SLCO1B1: variants seen among roughly 807,000 people sequenced by gnomAD.
The protein encoded by SLCO1B1 is OATP-2.
In SLCO1B1, 81 loss-of-function variants were observed where a neutral mutation model predicts 70.1. The observed-to-expected ratio is 1.16, with a 90% CI of 0.97 to 1.39. The LOEUF (loss-of-function observed/expected upper bound fraction) is 1.39, where lower values mean the gene tolerates loss of function less well. Among genes scored for constraint, SLCO1B1 ranks in the 40% most tolerant of loss-of-function variants. The probability of loss-of-function intolerance (pLI) is 0.00; values close to 1 mark genes in which losing one functional copy is unlikely to be tolerated. For missense variants in SLCO1B1, 895 were observed against 799.6 expected (o/e 1.12, Z -1.44); for synonymous variants, 283 against 271.5 (o/e 1.04, Z -0.42).
chr12:21,222,397 AATAT>A (rs751514211), intron 13 of SLCO1B1, 33 bp downstream of exon 13: 3,043 of 97,170 alleles, frequency 0.031, 91 homozygotes, highest in South Asian at 0.068. Flanking sequence ...AAAAAAAAAA[AATAT>A]ATATATATAT....
intron 7 of SLCO1B1, 47 bp downstream of exon 7, chr12:21,179,067 C>T: frequency 8.5e-7 from 1 of 1,180,476 alleles, no homozygotes; most frequent in Non-Finnish European, 1.3e-6. Flanking sequence ...TTTCTAAGCA[C>T]ACATGCGAAA....
At chr12:21,171,050 C>T (rs1371345410) in intron 2 of SLCO1B1, among the ~76,000 whole-genome samples, 1 of 152,210 alleles carries the variant, frequency 6.6e-6, no homozygotes, top group Non-Finnish European at 1.5e-5. Flanking sequence ...GGCTAATATT[C>T]TGCTGTGGCA....
chr12:21,172,540 C>G, intron 2 of SLCO1B1, 110 bp from the exon 3 acceptor site: 3 of 1,247,884 alleles, frequency 2.4e-6, no homozygotes, highest in Non-Finnish European at 3.5e-6. Context: ...TTTTAAGATA[C>G]AAATAATGTT....
intron 1 of SLCO1B1, among the ~76,000 whole-genome samples, chr12:21,132,776 G>A (rs1940159482): frequency 6.6e-6 from 1 of 152,086 alleles, no homozygotes; most frequent in Non-Finnish European, 1.5e-5. Flanking sequence ...CTCCCATTCT[G>A]TAGGTTGCCT....
At chr12:21,235,964 A>C (rs1001209495) in intron 14 of SLCO1B1, among the ~76,000 whole-genome samples, 8 of 151,850 alleles carry the variant, frequency 5.3e-5, no homozygotes, top group African/African-American at 1.9e-4. Flanking sequence ...CCTTTTCTCT[A>C]GCTGCCGTTA....
intron 2 of SLCO1B1, among the ~76,000 whole-genome samples, chr12:21,167,164 A>G (rs1940696043): frequency 6.6e-6 from 1 of 152,212 alleles, no homozygotes; most frequent in African/African-American, 2.4e-5. Flanking sequence ...CATGGTAGAG[A>G]TCATCTTTAT....
At chr12:21,174,309 A>G (rs983543805) in intron 3 of SLCO1B1, among the ~76,000 whole-genome samples, 1 of 152,210 alleles carries the variant, frequency 6.6e-6, no homozygotes, top group Admixed American at 6.5e-5. Context: ...ATTTTTCTTC[A>G]TTCCAGTATA....
intron 14 of SLCO1B1, among the ~76,000 whole-genome samples, chr12:21,230,323 C>CTTTTTTTTT (rs745494878): frequency 4.3e-5 from 3 of 70,256 alleles, no homozygotes; most frequent in Non-Finnish European, 5.4e-5. Flanking sequence ...CTGTAGTATT[C>CTTTTTTTTT]TTTTTTTTTT....
intron 7 of SLCO1B1, among the ~76,000 whole-genome samples, chr12:21,181,986 C>T (rs1940904437): frequency 6.6e-6 from 1 of 152,036 alleles, no homozygotes; most frequent in Admixed American, 6.6e-5. Flanking sequence ...TTAGAGGGTA[C>T]AAGATGGCCA....
chr12:21,132,400 G>T (rs909459481), intron 1 of SLCO1B1, among the ~76,000 whole-genome samples: 9 of 152,150 alleles, frequency 5.9e-5, no homozygotes, highest in Non-Finnish European at 1.3e-4. Context: ...AGATCCCTGA[G>T]GAATCGCCAC....
intron 2 of SLCO1B1, among the ~76,000 whole-genome samples, chr12:21,154,348 GCCTCTT>G (rs1352196550): frequency 3.5e-4 from 53 of 152,134 alleles, no homozygotes; most frequent in Non-Finnish European, 3.1e-4. Flanking sequence ...GAGCTTCCTT[GCCTCTT>G]CTAACATGTG....
At chr12:21,216,058 G>A (rs1245657952) in intron 11 of SLCO1B1, among the ~76,000 whole-genome samples, 1 of 152,080 alleles carries the variant, frequency 6.6e-6, no homozygotes, top group East Asian at 1.9e-4. Context: ...AAAGAATTGT[G>A]TCTACCACAA....
chr12:21,187,196 A>G (rs7971104), intron 7 of SLCO1B1, among the ~76,000 whole-genome samples: 151,034 of 152,188 alleles, frequency 0.99, 74,951 homozygotes, highest in East Asian at 1. Context: ...ACTATTCTGT[A>G]CAAATAAGGT....
chr12:21,232,517 A>G (rs912454208), intron 14 of SLCO1B1, among the ~76,000 whole-genome samples: 3 of 152,082 alleles, frequency 2.0e-5, no homozygotes, highest in Admixed American at 6.6e-5. Flanking sequence ...GGCTGGCTTA[A>G]AAAGTAGGCT....
intron 2 of SLCO1B1, among the ~76,000 whole-genome samples, chr12:21,151,939 T>G (rs2121060458): frequency 6.6e-6 from 1 of 152,228 alleles, no homozygotes; most frequent in Non-Finnish European, 1.5e-5. Context: ...CTGATACTAA[T>G]TTGGGGAAAT....
chr12:21,168,555 T>C (rs761393889), intron 2 of SLCO1B1, among the ~76,000 whole-genome samples: 87 of 152,214 alleles, frequency 5.7e-4, no homozygotes, highest in Non-Finnish European at 1.1e-3. Context: ...ACTCGTTATT[T>C]TCTATTCTTG....
At chr12:21,134,899 T>A (rs1940196190) in intron 1 of SLCO1B1, among the ~76,000 whole-genome samples, 1 of 152,164 alleles carries the variant, frequency 6.6e-6, no homozygotes, top group Admixed American at 6.5e-5. Context: ...TTGCTCTTGC[T>A]TTTCTAGTTC....
At position 21,172,751 on chromosome 12, in the gene SLCO1B1, C is replaced by T; in HGVS notation, c.186C>T (p.Ser62=). 9 of 1,613,420 alleles carry T rather than the reference C, an allele frequency of 5.6e-6. No individual in the cohort carries two copies. In the South Asian group the frequency reaches 7.7e-5, roughly 14 times the overall value. The change falls in exon 3 of 15, where the codon TCC becomes TCT. Residue 62 remains serine (S), a synonymous_variant. Transcript: ENST00000256958. ...IIHIERRFEI[S]SSLVGFIDGS... Reference sequence around the variant, plus strand: ...ATATAGAACGGAGATTTGAGATATCCTCTTCTCTTGTTGGTTTTATTGACG... The same window carrying T: ...ATATAGAACGGAGATTTGAGATATCTTCTTCTCTTGTTGGTTTTATTGACG...
At chr12:21,200,931 C>CT (rs1233747277) in intron 9 of SLCO1B1, among the ~76,000 whole-genome samples, 1 of 152,002 alleles carries the variant, frequency 6.6e-6, no homozygotes, top group African/African-American at 2.4e-5. Flanking sequence ...GAGGTAGTAT[C>CT]TGTATAATTG....
Sources: gnomAD v4.1 joint callset for allele counts (sites outside exome capture counted in the v4.1 genomes callset) on GRCh38, gnomAD v4.1.1 for gene constraint, MANE v1.5 for transcripts, NCBI Gene and HGNC (gene_info 2026-07-23, HGNC 2026-07-21) for gene names.